The following ABR variants were observed in gnomAD, a reference collection of about 807,000 sequenced individuals.
The protein encoded by ABR is active breakpoint cluster region-related protein.
ABR carries 35 observed loss-of-function variants against 107.2 expected under a neutral mutation model. The observed-to-expected ratio is 0.33, with a 90% CI of 0.25 to 0.43. ABR has a LOEUF of 0.43. Ranked by LOEUF, ABR falls within the 20% of genes least tolerant of loss-of-function variation. ABR has a pLI of 1.00. For synonymous variants in ABR, 498 were observed against 462.0 expected, an observed-to-expected ratio of 1.08 and a Z score of -1.00; for missense variants, 815 against 1,115.2, an observed-to-expected ratio of 0.73 and a Z score of 3.83.
chr17:1,140,678 G>A (rs898499686), intron 1 of ABR, among the ~76,000 whole-genome samples: 2 of 151,804 alleles, frequency 1.3e-5, no homozygotes, highest in Admixed American at 6.6e-5. Flanking sequence ...CGCCTCCCAG[G>A]TTCAAGCAAT....
intron 2 of ABR, among the ~76,000 whole-genome samples, chr17:1,110,783 C>A (rs1323549327): frequency 6.6e-6 from 1 of 152,208 alleles, no homozygotes; most frequent in African/African-American, 2.4e-5. Flanking sequence ...GGGCTAACAG[C>A]CTTTGATCAG....
At chr17:1,076,158 T>C (rs531115450) in intron 6 of ABR, among the ~76,000 whole-genome samples, 1 of 152,316 alleles carries the variant, frequency 6.6e-6, no homozygotes, top group South Asian at 2.1e-4. Context: ...CCTGCCTCAG[T>C]CTGCCAAAAG....
intron 4 of ABR, among the ~76,000 whole-genome samples, chr17:1,088,566 TTTTTC>T (rs1423528352): frequency 6.6e-6 from 1 of 151,932 alleles, no homozygotes; most frequent in African/African-American, 2.4e-5. Flanking sequence ...TTCCAAGCAC[TTTTTC>T]TTTTACTTTA....
At chr17:1,130,371 TC>T (rs2039773715) in intron 1 of ABR, among the ~76,000 whole-genome samples, 2 of 150,058 alleles carry the variant, frequency 1.3e-5, no homozygotes. Flanking sequence ...CTGTGAGGCA[TC>T]CCCGCTCCTC....
intron 1 of ABR, among the ~76,000 whole-genome samples, chr17:1,186,614 G>A (rs563282445): frequency 6.6e-6 from 1 of 152,198 alleles, no homozygotes; most frequent in Non-Finnish European, 1.5e-5. Flanking sequence ...GGGCAGAGCC[G>A]CTGGCTTAGA....
chr17:1,094,646 CA>C (rs2037280532), intron 3 of ABR, among the ~76,000 whole-genome samples: 1 of 152,180 alleles, frequency 6.6e-6, no homozygotes, highest in East Asian at 1.9e-4. Flanking sequence ...GCTGGGATGA[CA>C]GGTGTTGAGC....
chr17:1,165,332 ACCT>A (rs2041463011), intron 1 of ABR, among the ~76,000 whole-genome samples: 1 of 152,058 alleles, frequency 6.6e-6, no homozygotes, highest in Admixed American at 6.5e-5. Context: ...CTGGGGGAAG[ACCT>A]CCTGCGGGTG....
rs1044839917 is a variant in ABR at position 1,050,746 on chromosome 17, C to A, written c.1562-112G>T. 3 of 835,478 alleles carry A rather than the reference C, an allele frequency of 3.6e-6. No homozygotes were observed. The highest frequency in any genetic ancestry group is 2.6e-5 in the East Asian group (1 of 38,468). 51.8% of individuals were successfully genotyped at this position (835,478 alleles called of 1,614,324 possible). ...GCATCTGTCCTTTCCAACGTCCCCA[C>A]GGATGGCATCTTGGCTCTCTCCTCC... On this transcript the variant is annotated intron_variant, in intron 14 of 22. Coordinates refer to ENST00000302538, the MANE Select transcript of ABR (RefSeq NM_021962.5). This position sits in a 1 kb window ranked among gnomAD's most constrained non-coding sequence, Gnocchi z 4.6.
At chr17:1,229,370 G>C (rs531178236) in exon 1 of ABR, among the ~76,000 whole-genome samples, 2 of 149,166 alleles carry the variant, frequency 1.3e-5, no homozygotes, top group African/African-American at 2.4e-5. Flanking sequence ...GGCGCCCGGG[G>C]TCCCCGCGGG....
intron 16 of ABR, among the ~76,000 whole-genome samples, chr17:1,013,418 G>C (rs333650): frequency 6.8e-6 from 1 of 147,516 alleles, no homozygotes; most frequent in African/African-American, 2.6e-5. Context: ...CCTGTTACCC[G>C]CCGTGGGGGA....
At chr17:1,155,766 C>A (rs1224202141) in intron 1 of ABR, among the ~76,000 whole-genome samples, 1 of 151,882 alleles carries the variant, frequency 6.6e-6, no homozygotes, top group Non-Finnish European at 1.5e-5. Flanking sequence ...GAGTTTGAGA[C>A]CAGCCTAACC....
intron 2 of ABR, among the ~76,000 whole-genome samples, chr17:1,120,236 T>C (rs926543579): frequency 7.3e-5 from 11 of 150,110 alleles, no homozygotes; most frequent in East Asian, 2.0e-4. Flanking sequence ...AGGAAGAGGA[T>C]GATAGGGACA....
In ABR at chr17:1,050,725, C is replaced by G; in HGVS notation, c.1562-91G>C. The G allele has an allele frequency of 2.0e-6, 2 of 1,018,660 alleles. No homozygotes were observed. The highest frequency in any genetic ancestry group is 2.6e-5 in the South Asian group (2 of 77,106). The allele number at this position is 1,018,660 out of a possible 1,614,324, so 63.1% of individuals were successfully genotyped here. On this transcript the variant is annotated intron_variant, in intron 14 of 22. Transcript: ENST00000302538. The surrounding 1 kb of genome is among the most constrained non-coding windows in gnomAD (Gnocchi z 4.6). ...CTCAGGATGGAGGGGGACATCGCAT[C>G]TGTCCTTTCCAACGTCCCCACGGAT...
chr17:1,061,279 A>C (rs1420655538), intron 10 of ABR, among the ~76,000 whole-genome samples: 1 of 152,178 alleles, frequency 6.6e-6, no homozygotes, highest in Non-Finnish European at 1.5e-5. Context: ...GGCGGGTGGG[A>C]AACAGGCACG....
chr17:1,011,969 C>A lies in ABR; in HGVS notation c.1978G>T (p.Val660Leu). 1.2e-6 allele frequency: 2 copies of A among 1,613,524 alleles called. No homozygotes were observed. The highest frequency in any genetic ancestry group is 1.7e-6 in the Non-Finnish European group (2 of 1,179,554). The change falls in exon 19 of 23, where the codon GTG becomes TTG. Residue 660 changes from valine (V) to leucine (L), a missense_variant. Transcript: ENST00000302538. This position sits in a 1 kb window ranked among gnomAD's most constrained non-coding sequence, Gnocchi z 4.8. ...ACACACTGCCGGACGATGTAGGGCACCTTGGAGCGCTCCCGCCTGGGGTGG... is the reference window on the plus strand; with the variant it reads ...ACACACTGCCGGACGATGTAGGGCAACTTGGAGCGCTCCCGCCTGGGGTGG... ...SVVTKRERSK[V>L]PYIVRQCVEE...
intron 10 of ABR, among the ~76,000 whole-genome samples, chr17:1,059,866 G>A (rs1308367191): frequency 6.6e-6 from 1 of 152,142 alleles, no homozygotes; most frequent in Admixed American, 6.5e-5. Context: ...GACACTGTGG[G>A]GGACAGTCAC....
rs185629165 is a variant in ABR, at chr17:1,061,484, T to G, written c.1183-2617A>C. 2.4e-3 allele frequency among the ~76,000 whole-genome samples: 365 copies of G among 152,282 alleles called. 1 individual carries two copies. The highest frequency in any genetic ancestry group is 8.3e-3 in the African/African-American group (343 of 41,560). ...CCTGTTCAAAGGGAGATGCTTGAGT[T>G]GAAAGGATCCTCAGAGAGGCCATCT... On this transcript the variant is annotated intron_variant, in intron 10 of 22. Transcript: ENST00000302538.
chr17:1,073,625 G>A lies in ABR; in HGVS notation c.753C>T (p.His251=), dbSNP rs894569595. 15 of 1,588,480 alleles carry A rather than the reference G, an allele frequency of 9.4e-6. No individual in the cohort carries two copies. The highest frequency in any genetic ancestry group is 1.7e-5 in the Admixed American group (1 of 58,124). Reference sequence around the variant, plus strand: ...GGCCATTCGGAGGCTTGACACTCACGTGTAGGACTAGGGTGCTCCGAGTGA... The same window carrying A: ...GGCCATTCGGAGGCTTGACACTCACATGTAGGACTAGGGTGCTCCGAGTGA... ...DRVTRSTLVL[H]DLLKHTPVDH... is the part of the protein sequence containing the mutation. The change falls in exon 7 of 23, where the codon CAC becomes CAT. Residue 251 remains histidine, a splice_region_variant and synonymous_variant. Coordinates refer to ENST00000302538, the MANE Select transcript of ABR (RefSeq NM_021962.5).
At chr17:1,087,668 C>T (rs980819565) in intron 4 of ABR, among the ~76,000 whole-genome samples, 2 of 152,118 alleles carry the variant, frequency 1.3e-5, no homozygotes, top group South Asian at 2.1e-4. Context: ...CCACGCTACA[C>T]GAGGCATACT....
Sources: gnomAD v4.1 joint callset for allele counts (sites outside exome capture counted in the v4.1 genomes callset) on GRCh38, gnomAD v4.1.1 for gene constraint, Gnocchi (gnomAD v3.1) non-coding constraint, MANE v1.5 for transcripts, NCBI Gene and HGNC (gene_info 2026-07-23, HGNC 2026-07-21) for gene names.